Variants in CELSR1 observed in about 807,000 individuals in gnomAD.
The protein encoded by CELSR1 is adhesion G protein-coupled receptor C1.
A neutral mutation model predicts 249.1 loss-of-function variants in CELSR1; 110 were observed. The ratio of observed to expected loss-of-function variants is 0.44; its 90% CI spans 0.38 to 0.52. The LOEUF (loss-of-function observed/expected upper bound fraction) is 0.52, where lower values mean the gene tolerates loss of function less well. CELSR1 is among the 20% of genes least tolerant of loss of function. The pLI is 0.00. For synonymous variants in CELSR1, 2,113 were observed against 1,900.0 expected, an observed-to-expected ratio of 1.11 and a Z score of -2.92; for missense variants, 4,109 against 4,296.4, an observed-to-expected ratio of 0.96 and a Z score of 1.22.
At chr22:46,405,835 G>C (rs922003255) in intron 9 of CELSR1, among the ~76,000 whole-genome samples, 8 of 152,164 alleles carry the variant, frequency 5.3e-5, no homozygotes, top group African/African-American at 1.9e-4. Flanking sequence ...CAGGCCCACG[G>C]GAGGCCTGCA....
chr22:46,485,929 CTTTTTTTT>C (rs77749125), intron 1 of CELSR1, among the ~76,000 whole-genome samples: 3 of 104,782 alleles, frequency 2.9e-5, no homozygotes, highest in East Asian at 2.5e-4. Flanking sequence ...CTTTCAGGTA[CTTTTTTTT>C]TTTTTTTTTT....
intron 1 of CELSR1, among the ~76,000 whole-genome samples, chr22:46,478,774 G>A (rs2080236738): frequency 6.6e-6 from 1 of 150,482 alleles, no homozygotes. Context: ...GGCTGGTCTC[G>A]AACTCCTGAC....
intron 2 of CELSR1, among the ~76,000 whole-genome samples, chr22:46,456,756 G>A (rs184645841): frequency 2.6e-3 from 387 of 151,300 alleles, no homozygotes; most frequent in Non-Finnish European, 4.4e-3. Flanking sequence ...AGAAGGGCTA[G>A]AATTTATTTT....
chr22:46,458,455 G>C (rs2079982167), intron 2 of CELSR1, among the ~76,000 whole-genome samples: 1 of 152,268 alleles, frequency 6.6e-6, no homozygotes, highest in Non-Finnish European at 1.5e-5. Context: ...AACAGGGACA[G>C]GCAGCAGAGA....
intron 5 of CELSR1, among the ~76,000 whole-genome samples, chr22:46,420,539 A>G (rs1402269271): frequency 1.3e-5 from 2 of 152,090 alleles, no homozygotes; most frequent in Non-Finnish European, 2.9e-5. Flanking sequence ...TTGCATGTGC[A>G]CACACAGATA....
intron 13 of CELSR1, among the ~76,000 whole-genome samples, chr22:46,394,665 G>A (rs532719402): frequency 1.3e-5 from 2 of 152,316 alleles, no homozygotes; most frequent in Admixed American, 1.3e-4. Context: ...ATGCCCGCAG[G>A]AAGCTCCTAA....
rs566802886 is a variant in CELSR1, at chr22:46,363,325, C to G, written c.9036-78G>C. ...CTTGGTGGGGCCCAAGGTTGTCACACGGGGGGGCAGGATCACCCCATCAGG... is the reference window on the plus strand; with the variant it reads ...CTTGGTGGGGCCCAAGGTTGTCACAGGGGGGGGCAGGATCACCCCATCAGG... On this transcript the variant is annotated intron_variant, in intron 34 of 34. Coordinates refer to ENST00000674500, the MANE Select transcript of CELSR1 (RefSeq NM_001378328.1). This position sits in a 1 kb window ranked among gnomAD's most constrained non-coding sequence, Gnocchi z 4.3. 1.1e-3 allele frequency: 1,367 copies of G among 1,251,094 alleles called. 10 individuals carry two copies. Among genetic ancestry groups the G allele is most frequent in the Non-Finnish European group, 2.0e-4 (178 of 877,374 alleles). The allele number at this position is 1,251,094 out of a possible 1,614,324, so 77.5% of individuals were successfully genotyped here.
chr22:46,387,123 A>G (rs576530979), intron 18 of CELSR1, among the ~76,000 whole-genome samples: 1 of 152,374 alleles, frequency 6.6e-6, no homozygotes, highest in African/African-American at 2.4e-5. Context: ...CTAAGCTCAC[A>G]AAGTATATTA....
chr22:46,469,032 C>T (rs568080131), intron 1 of CELSR1, among the ~76,000 whole-genome samples: 22 of 151,854 alleles, frequency 1.4e-4, no homozygotes, highest in Non-Finnish European at 2.9e-4. Flanking sequence ...GCCAAGATTG[C>T]GCCACTGCAC....
At chr22:46,465,693 T>G (rs1200840571) in intron 1 of CELSR1, among the ~76,000 whole-genome samples, 1 of 151,900 alleles carries the variant, frequency 6.6e-6, no homozygotes, top group Admixed American at 6.6e-5. Flanking sequence ...GGACCTGGAG[T>G]CAGGTAATTT....
At position 46,536,815 on chromosome 22, in the gene CELSR1, C is replaced by A. The variant is rs1270177303; in HGVS notation, c.356G>T (p.Arg119Leu). The A allele has an allele frequency of 1.7e-6, 2 of 1,203,392 alleles. No homozygotes were observed. The highest frequency in any genetic ancestry group is 2.1e-6 in the Non-Finnish European group (2 of 971,298). 74.5% of individuals were successfully genotyped at this position (1,203,392 alleles called of 1,614,324 possible). The change falls in exon 1 of 35, where the codon CGG becomes CTG. Residue 119 changes from arginine (R) to leucine (L), a missense_variant. Physicochemically the swap from Arg to Leu is moderately radical, Grantham distance 102. Coordinates refer to ENST00000674500, the MANE Select transcript of CELSR1 (RefSeq NM_001378328.1). Reference protein sequence around the residue: ...THLPGCGARARLCGTGARLCG... With the variant: ...THLPGCGARALLCGTGARLCG... ...GAGCCGGGCACCGGTTCCGCAGAGC[C>A]GGGCACGGGCTCCGCAGCCGGGAAG...
rs2147284780 is a variant in CELSR1 at position 46,399,286 on chromosome 22, T to C, written c.5412+431A>G. 6.6e-6 allele frequency among the ~76,000 whole-genome samples: 1 copy of C among 152,340 alleles called. No homozygotes were observed. The highest frequency in any genetic ancestry group is 2.1e-4 in the South Asian group (1 of 4,830). The stretch of plus-strand genomic sequence containing the variant: ...GGGACATGTGTGGCTCCCTGGTGTC[T>C]CACAGGCCTGTCCAGGACCTGGGTC... On this transcript the variant is annotated intron_variant, in intron 10 of 34. Coordinates refer to ENST00000674500, the MANE Select transcript of CELSR1 (RefSeq NM_001378328.1). The surrounding 1 kb of genome is among the most constrained non-coding windows in gnomAD (Gnocchi z 5.0).
rs2147148607 is a variant in CELSR1 at position 46,363,574 on chromosome 22, G to A, written c.9036-327C>T. ...TCCCTTGTGAGTTTGGAGGGAGGGA[G>A]GGGCGACAGGGAGAGGTCTGGGGCC... On this transcript the variant is annotated intron_variant, in intron 34 of 34. Transcript: ENST00000674500. This position sits in a 1 kb window ranked among gnomAD's most constrained non-coding sequence, Gnocchi z 4.3. 2 of 354,918 alleles carry A rather than the reference G, an allele frequency of 5.6e-6. No homozygotes were observed. Among genetic ancestry groups the A allele is most frequent in the South Asian group, 8.1e-5 (2 of 24,686 alleles). The allele number at this position is 354,918 out of a possible 1,614,324, so 22.0% of individuals were successfully genotyped here.
In CELSR1 at chr22:46,430,616, G is replaced by T. The variant is rs900032063; in HGVS notation, c.4611+2777C>A. ...CGTCTTCCCCAAAACCTTCCCTGGT[G>T]GCCCAAGGTCACCCCCAAGGTGGCT... On this transcript the variant is annotated intron_variant, in intron 5 of 34. Coordinates refer to ENST00000674500, the MANE Select transcript of CELSR1 (RefSeq NM_001378328.1). The surrounding 1 kb of genome is among the most constrained non-coding windows in gnomAD (Gnocchi z 4.6). Among the ~76,000 whole-genome samples the T allele has an allele frequency of 3.3e-5, 5 of 152,116 alleles. No individual in the cohort carries two copies. The highest frequency in any genetic ancestry group is 9.7e-5 in the African/African-American group (4 of 41,410).
At position 46,534,524 on chromosome 22, in the gene CELSR1, G is replaced by A. The variant is rs762277399; in HGVS notation, c.2647C>T (p.Leu883Phe). Reference sequence around the variant, plus strand: ...TGGGGTGCATTGTCATTGGCATCGAGGATGAGGATCTCTAGGGTGGTGGTG... The same window carrying A: ...TGGGGTGCATTGTCATTGGCATCGAAGATGAGGATCTCTAGGGTGGTGGTG... The part of the protein sequence containing the change: ...SDTTTLEILI[L>F]DANDNAPQFL... The change falls in exon 1 of 35, where the codon CTC (leucine) becomes TTC (phenylalanine). Residue 883 changes from leucine (L) to phenylalanine (F), a missense_variant. Around this residue, in one of 7 missense-constraint regions of CELSR1, gnomAD observed 886 missense variants for 896.5 expected, o/e 0.99. Coordinates refer to ENST00000674500, the MANE Select transcript of CELSR1 (RefSeq NM_001378328.1). The surrounding 1 kb of genome is among the most constrained non-coding windows in gnomAD (Gnocchi z 9.7). 1.6e-5 allele frequency: 26 copies of A among 1,613,438 alleles called. No individual in the cohort carries two copies. Among genetic ancestry groups the A allele is most frequent in the Admixed American group, 5.0e-5 (3 of 60,006 alleles).
rs769102710 is a variant in CELSR1, at chr22:46,384,508, T to C, written c.6883+35A>G. On this transcript the variant is annotated intron_variant, in intron 20 of 34. Coordinates refer to ENST00000674500, the MANE Select transcript of CELSR1 (RefSeq NM_001378328.1). ...CCTCCCCTCCCTGAACGCTGGGGAC[T>C]CCGAGGGCAGCAGCAGGTTTCTAAG... The C allele has an allele frequency of 1.3e-5, 21 of 1,556,188 alleles. No individual in the cohort carries two copies. In the South Asian group the frequency reaches 2.4e-4, roughly 18 times the overall value.
At position 46,411,766 on chromosome 22, in the gene CELSR1, G is replaced by A; in HGVS notation, c.4612-7C>T. 6.2e-7 allele frequency: 1 copy of A among 1,613,948 alleles called. No homozygotes were observed. The highest frequency in any genetic ancestry group is 8.5e-7 in the Non-Finnish European group (1 of 1,180,018). ...CCAGGTGGCCAATATTGGGCTGTAA[G>A]AAGAGAAAGCACAGAAGGTGTCAGC... On this transcript the variant is annotated splice_region_variant and splice_polypyrimidine_tract_variant and intron_variant, in intron 5 of 34. Coordinates refer to ENST00000674500, the MANE Select transcript of CELSR1 (RefSeq NM_001378328.1). The surrounding 1 kb of genome is among the most constrained non-coding windows in gnomAD (Gnocchi z 4.2).
chr22:46,389,744 C>T (rs1401538422), intron 17 of CELSR1, among the ~76,000 whole-genome samples: 2 of 151,928 alleles, frequency 1.3e-5, no homozygotes, highest in East Asian at 1.9e-4. Flanking sequence ...GGTGAAAACC[C>T]GTCTCTACTC....
intron 1 of CELSR1, among the ~76,000 whole-genome samples, chr22:46,531,126 T>C (rs1408700203): frequency 6.6e-6 from 1 of 152,258 alleles, no homozygotes; most frequent in African/African-American, 2.4e-5. Context: ...TAGTCAATAG[T>C]GATTTACTTA....
Sources: gnomAD v4.1 joint callset for allele counts (sites outside exome capture counted in the v4.1 genomes callset) on GRCh38, gnomAD v4.1.1 for gene constraint, gnomAD v4.1.1 regional missense constraint, Gnocchi (gnomAD v3.1) non-coding constraint, MANE v1.5 for transcripts, NCBI Gene and HGNC (gene_info 2026-07-23, HGNC 2026-07-21) for gene names.